The following RTP2 variants were observed in gnomAD, a reference collection of about 807,000 sequenced individuals.
RTP2 encodes receptor transporter protein 2, also known as receptor-transporting protein 2.
A neutral mutation model predicts 17.9 loss-of-function variants in RTP2; 12 were observed. That is an observed-to-expected ratio of 0.67 (90% CI 0.43 to 1.09). The LOEUF (loss-of-function observed/expected upper bound fraction) is 1.09, where lower values mean the gene tolerates loss of function less well. RTP2 is among the 50% of genes least tolerant of loss of function. The pLI, the probability that RTP2 is intolerant of heterozygous loss-of-function variation, is 0.00. For missense variants in RTP2, 327 were observed against 295.7 expected, an observed-to-expected ratio of 1.11 and a Z score of -0.78; for synonymous variants, 126 against 117.7, an observed-to-expected ratio of 1.07 and a Z score of -0.46.
At chr3:187,705,120 T>C (rs1218241919), upstream of RTP2, among the ~76,000 whole-genome samples, 1 of 151,846 alleles carries the variant, frequency 6.6e-6, no homozygotes. Context: ...TATTATGGGA[T>C]GTAAATACAT....
At chr3:187,706,169 C>G (rs1717985929), upstream of RTP2, among the ~76,000 whole-genome samples, 1 of 152,040 alleles carries the variant, frequency 6.6e-6, no homozygotes, top group African/African-American at 2.4e-5. Context: ...TTTCTTACTC[C>G]CAAGGATAAG....
At chr3:187,709,076 T>C in the RTP2 span, among the ~76,000 whole-genome samples, 2 of 151,886 alleles carry the variant, frequency 1.3e-5, no homozygotes, top group Admixed American at 1.3e-4. Flanking sequence ...AACTATTAAA[T>C]GAAAGCTCCA....
the RTP2 span, among the ~76,000 whole-genome samples, chr3:187,714,535 T>G: frequency 3.3e-5 from 5 of 152,242 alleles, no homozygotes; most frequent in Admixed American, 3.3e-4. Flanking sequence ...CCTGCTTCCC[T>G]GGAGCCAGAA....
At position 187,701,303 on chromosome 3, in the gene RTP2, C is replaced by T. The variant is rs929308717; in HGVS notation, c.164+662G>A. ...TGTGCAGCTCCTATAAAGAGTGGGA[C>T]CCTGGGCTCTAAGTTCCTAAAGAAA... On this transcript the variant is annotated intron_variant, in intron 1 of 1. Transcript: ENST00000358241. 8.5e-5 allele frequency among the ~76,000 whole-genome samples: 13 copies of T among 152,164 alleles called. No individual in the cohort carries two copies. In the East Asian group the frequency reaches 1.2e-3, roughly 14 times the overall value.
chr3:187,702,111 G>A (rs1358091138), exon 1 of RTP2: 1 of 1,610,518 alleles, frequency 6.2e-7, no homozygotes, highest in Non-Finnish European at 8.5e-7. Context: ...ACTCACAAGT[G>A]GTCAAGCTGG....
chr3:187,711,625 AT>A, the RTP2 span, among the ~76,000 whole-genome samples: 14 of 152,314 alleles, frequency 9.2e-5, no homozygotes, highest in African/African-American at 3.1e-4. Context: ...ATTCTTAAAC[AT>A]TTATGCTGAC....
At chr3:187,699,729 CCACACACACACACACACACACA>C (rs1328615413) in intron 1 of RTP2, among the ~76,000 whole-genome samples, 7 of 116,440 alleles carry the variant, frequency 6.0e-5, no homozygotes, top group African/African-American at 2.4e-4. Context: ...CATTGCCACT[CCACACACACACACACACACACA>C]CACACACACA....
At chr3:187,704,671 C>T (rs915775582), upstream of RTP2, among the ~76,000 whole-genome samples, 12 of 152,284 alleles carry the variant, frequency 7.9e-5, no homozygotes, top group Non-Finnish European at 1.6e-4. Flanking sequence ...CCTGTGTCTC[C>T]GCAATTCAAA....
chr3:187,701,920 G>C lies in RTP2; in HGVS notation c.164+45C>G, dbSNP rs747006381. On this transcript the variant is annotated intron_variant, in intron 1 of 1. Transcript: ENST00000358241. ...TCCTTGGAAAGTACCCCACAGCTGT[G>C]ACCCAGGGGCTGTCTGCAAGGTCCC... 8 of 1,512,902 alleles carry C rather than the reference G, an allele frequency of 5.3e-6. No individual in the cohort carries two copies. In the South Asian group the frequency reaches 9.3e-5, roughly 18 times the overall value. 93.7% of individuals were successfully genotyped at this position (1,512,902 alleles called of 1,614,324 possible).
chr3:187,709,394 A>G, the RTP2 span, among the ~76,000 whole-genome samples: 2 of 152,128 alleles, frequency 1.3e-5, no homozygotes, highest in Non-Finnish European at 2.9e-5. Context: ...TACCTTGGGA[A>G]TTTATTAAAA....
chr3:187,698,376 T>A, exon 2 of RTP2: 1 of 803,146 alleles, frequency 1.2e-6, no homozygotes, highest in Non-Finnish European at 1.9e-6. Context: ...ATGCATTAAC[T>A]GAGGCCCAGA....
At chr3:187,709,696 A>G in the RTP2 span, among the ~76,000 whole-genome samples, 1 of 152,202 alleles carries the variant, frequency 6.6e-6, no homozygotes, top group Admixed American at 6.5e-5. Context: ...AAATAAATAA[A>G]TAAATAAAAT....
upstream of RTP2, among the ~76,000 whole-genome samples, chr3:187,704,032 C>T (rs1310212901): frequency 6.6e-6 from 1 of 152,158 alleles, no homozygotes; most frequent in South Asian, 2.1e-4. Context: ...CTATCTTATT[C>T]CAGAACCCAC....
At chr3:187,705,806 G>A (rs1717977636), upstream of RTP2, among the ~76,000 whole-genome samples, 1 of 152,180 alleles carries the variant, frequency 6.6e-6, no homozygotes, top group South Asian at 2.1e-4. Flanking sequence ...TTACATGGGA[G>A]TGAGAAGGGA....
In RTP2 at chr3:187,699,019, G is replaced by C. The variant is rs751695260; in HGVS notation, c.165-8C>G. The C allele has an allele frequency of 2.6e-5, 40 of 1,567,706 alleles. No individual in the cohort carries two copies. In the East Asian group the frequency reaches 8.8e-4, roughly 35 times the overall value. On this transcript the variant is annotated splice_region_variant and splice_polypyrimidine_tract_variant and intron_variant, in intron 1 of 1. Coordinates refer to ENST00000358241, the Ensembl canonical transcript of RTP2. ...CACCAGGAGCAGTGGAACCTGCCGGGAGGAGAAGGAGGGGTGGAGAAGGTG... is the reference window on the plus strand; with the variant it reads ...CACCAGGAGCAGTGGAACCTGCCGGCAGGAGAAGGAGGGGTGGAGAAGGTG...
At chr3:187,702,145 G>A (rs1384753590) in exon 1 of RTP2, 2 of 1,585,570 alleles carry the variant, frequency 1.3e-6, no homozygotes, top group Non-Finnish European at 1.7e-6. Context: ...GCTGGCAGAG[G>A]TGGCAGTTCG....
At chr3:187,704,012 G>A (rs1017984959), upstream of RTP2, among the ~76,000 whole-genome samples, 6 of 151,986 alleles carry the variant, frequency 3.9e-5, no homozygotes, top group East Asian at 1.9e-4. Context: ...TCAATTTTCC[G>A]CGAATGACAC....
At chr3:187,707,147 T>C (rs567604321), upstream of RTP2, among the ~76,000 whole-genome samples, 193 of 152,336 alleles carry the variant, frequency 1.3e-3, no homozygotes, top group African/African-American at 4.5e-3. Context: ...CTGGGCTTCC[T>C]CACAGGATGC....
chr3:187,702,690 A>G (rs966621748), upstream of RTP2: 1 of 402,186 alleles, frequency 2.5e-6, no homozygotes, highest in East Asian at 7.3e-5. Flanking sequence ...AGCAGATCAG[A>G]TCAGGAAACT....
Sources: gnomAD v4.1 joint callset for allele counts (sites outside exome capture counted in the v4.1 genomes callset) on GRCh38, gnomAD v4.1.1 for gene constraint, MANE v1.5 for transcripts, NCBI Gene and HGNC (gene_info 2026-07-23, HGNC 2026-07-21) for gene names.